Variants in RNF213 observed in about 807,000 individuals in gnomAD.
RNF213 encodes the protein E3 ubiquitin-protein ligase RNF213.
A neutral mutation model predicts 514.4 loss-of-function variants in RNF213; 341 were observed. That is an observed-to-expected ratio of 0.66 (90% CI 0.61 to 0.73). The LOEUF is 0.73. RNF213 is among the 30% of genes least tolerant of loss of function. The probability of loss-of-function intolerance (pLI) is 0.00; values close to 1 mark genes in which losing one functional copy is unlikely to be tolerated. For synonymous variants in RNF213, 2,655 were observed against 2,658.2 expected, an observed-to-expected ratio of 1.00 and a Z score of 0.04; for missense variants, 5,767 against 6,615.6, an observed-to-expected ratio of 0.87 and a Z score of 4.45.
chr17:80,350,246 T>C, intron 30 of RNF213, 55 bp from the exon 31 acceptor site: 1 of 1,123,408 alleles, frequency 8.9e-7, no homozygotes, highest in Non-Finnish European at 1.4e-6. Flanking sequence ...GGGAATTTTC[T>C]TTTCCATTTT....
At chr17:80,348,779 G>T (rs1347110955) in intron 29 of RNF213, among the ~76,000 whole-genome samples, 1 of 152,220 alleles carries the variant, frequency 6.6e-6, no homozygotes, top group Non-Finnish European at 1.5e-5. Context: ...AGGGATTGTA[G>T]GCTGAGGGCC....
intron 48 of RNF213, 97 bp from the exon 49 acceptor site, chr17:80,372,878 C>A: frequency 7.1e-7 from 1 of 1,403,414 alleles, no homozygotes; most frequent in Non-Finnish European, 9.9e-7. Flanking sequence ...TCTGTGAATG[C>A]CTGTGGGTAG....
chr17:80,353,472 C>T lies in RNF213; in HGVS notation c.10424-40C>T, dbSNP rs555239840. 1.3e-6 allele frequency: 2 copies of T among 1,577,690 alleles called. No homozygotes were observed. Among genetic ancestry groups the T allele is most frequent in the East Asian group, 2.3e-5 (1 of 43,040 alleles). ...GCACCGCTGCCAGTCCCTGTGCCACCTTCTGAGTGGTAACGCAATCACGTT... is the reference window on the plus strand; with the variant it reads ...GCACCGCTGCCAGTCCCTGTGCCACTTTCTGAGTGGTAACGCAATCACGTT... On this transcript the variant is annotated intron_variant, in intron 33 of 67. Transcript: ENST00000582970. The surrounding 1 kb of genome is among the most constrained non-coding windows in gnomAD (Gnocchi z 5.0).
Position 80,340,106 on chromosome 17 carries a change from C to T in RNF213, c.5739C>T (p.His1913=), listed in dbSNP as rs1393711562. The T allele has an allele frequency of 1.9e-6, 3 of 1,611,838 alleles. No homozygotes were observed. Among genetic ancestry groups the T allele is most frequent in the African/African-American group, 1.3e-5 (1 of 74,906 alleles). The part of the protein sequence containing the change: ...EVARQAEELF[H]NLCTQQHRED... Reference sequence around the variant, plus strand: ...CACGCCAAGCGGAGGAGCTTTTCCACAATCTGTGCACGCAGCAGCACCGAG... The same window carrying T: ...CACGCCAAGCGGAGGAGCTTTTCCATAATCTGTGCACGCAGCAGCACCGAG... The change falls in exon 26 of 68, where the codon CAC becomes CAT. Residue 1913 remains histidine, a synonymous_variant. Coordinates refer to ENST00000582970, the MANE Select transcript of RNF213 (RefSeq NM_001256071.3).
chr17:80,286,258 T>TG (rs2044468173), intron 3 of RNF213, among the ~76,000 whole-genome samples: 1 of 123,834 alleles, frequency 8.1e-6, no homozygotes, highest in African/African-American at 3.1e-5. Context: ...AGCTGTGGCC[T>TG]GGGGAGATGT....
At chr17:80,279,136 A>T (rs575674246) in intron 3 of RNF213, among the ~76,000 whole-genome samples, 1 of 152,222 alleles carries the variant, frequency 6.6e-6, no homozygotes, top group South Asian at 2.1e-4. Context: ...TTTCAGCTTT[A>T]TTGTGCTTGC....
At chr17:80,380,607 G>A (rs2079953539) in intron 55 of RNF213, among the ~76,000 whole-genome samples, 1 of 152,198 alleles carries the variant, frequency 6.6e-6, no homozygotes, top group African/African-American at 2.4e-5. Flanking sequence ...ATACCACACA[G>A]CGCAGCCACC....
At chr17:80,356,541 G>A (rs931115771) in intron 36 of RNF213, among the ~76,000 whole-genome samples, 9 of 152,250 alleles carry the variant, frequency 5.9e-5, no homozygotes, top group African/African-American at 2.2e-4. Context: ...CTGTGTTCTG[G>A]GGACTGGAGT....
intron 39 of RNF213, 114 bp from the exon 40 acceptor site, chr17:80,362,988 A>T: frequency 9.9e-7 from 1 of 1,011,852 alleles, no homozygotes; most frequent in Non-Finnish European, 1.5e-6. Context: ...AGAATAGCAC[A>T]CATGGTTTCT....
chr17:80,372,676 G>C lies in RNF213; in HGVS notation c.12693G>C (p.Arg4231=). The part of the protein sequence containing the change: ...ASVEYLQEVA[R]IRLCLDRAAD... ...TTGAATACCTGCAAGAGGTGGCCCG[G>C]ATCCGCCTCTGCCTCGACAGAGCTG... is the stretch of plus-strand genomic sequence containing the variant. The change falls in exon 48 of 68, where the codon CGG becomes CGC. Residue 4231 remains arginine, a synonymous_variant. Transcript: ENST00000582970. The C allele has an allele frequency of 6.2e-7, 1 of 1,614,008 alleles. No individual in the cohort carries two copies. The highest frequency in any genetic ancestry group is 8.5e-7 in the Non-Finnish European group (1 of 1,180,018).
chr17:80,262,738 G>A (rs1174195115), intron 1 of RNF213, among the ~76,000 whole-genome samples: 2 of 152,178 alleles, frequency 1.3e-5, no homozygotes, highest in Non-Finnish European at 1.5e-5. Flanking sequence ...TCCCACACAG[G>A]TCAAGCCAGG....
intron 43 of RNF213, 29 bp downstream of exon 43, chr17:80,367,877 G>A (rs1473553983): frequency 1.2e-6 from 2 of 1,613,294 alleles, no homozygotes; most frequent in Non-Finnish European, 1.7e-6. Flanking sequence ...ATCTGTGAAG[G>A]CGAGAATTCT....
chr17:80,305,941 T>G (rs1203939684), intron 11 of RNF213, among the ~76,000 whole-genome samples: 1 of 152,122 alleles, frequency 6.6e-6, no homozygotes, highest in Non-Finnish European at 1.5e-5. Flanking sequence ...CTCAGTAGGT[T>G]GTTCTGTACT....
Position 80,363,139 on chromosome 17 carries a change from T to C in RNF213, c.11393T>C (p.Leu3798Pro), listed in dbSNP as rs1204036749. 5 of 1,614,244 alleles carry C rather than the reference T, an allele frequency of 3.1e-6. No individual in the cohort carries two copies. The highest frequency in any genetic ancestry group is 4.2e-6 in the Non-Finnish European group (5 of 1,180,046). The change falls in exon 40 of 68, where the codon CTG (leucine) becomes CCG (proline). Residue 3798 changes from leucine to proline, a missense_variant. Leu to Pro is a moderately conservative substitution (Grantham distance 98). Coordinates refer to ENST00000582970, the MANE Select transcript of RNF213 (RefSeq NM_001256071.3). ...GCTCTGTGGTCCTGCACTAGGAAAC[T>C]GAAAGCGGCGTCAGAAGCGCCCGAG... ...QMALWSCTRK[L>P]KAASEAPEEE...
At chr17:80,349,961 G>C in intron 30 of RNF213, 55 bp downstream of exon 30, 1 of 1,607,634 alleles carries the variant, frequency 6.2e-7, no homozygotes, top group Non-Finnish European at 8.5e-7. Flanking sequence ...CAGCCGTGTG[G>C]CTTCTGCGTG....
rs1336623682 is a variant in RNF213 at position 80,393,451 on chromosome 17, G to T, written c.15577G>T (p.Val5193Leu). ...GATACTGCTCGCCAGCTGTGTCTCA[G>T]TGTGGAAAACAGCTGCTGTGCTGAA... The part of the protein sequence containing the change: ...EEILLASCVS[V>L]WKTAAVLKWN... Residue 5193 changes from valine to leucine, a missense_variant, in exon 68 of 68, where the codon GTG (valine) becomes TTG (leucine). This residue lies in a region of RNF213 where 1,245 missense variants were observed against 1,339.0 expected (regional missense o/e 0.93). Coordinates refer to ENST00000582970, the MANE Select transcript of RNF213 (RefSeq NM_001256071.3). The T allele has an allele frequency of 6.2e-7, 1 of 1,614,208 alleles. No homozygotes were observed. The highest frequency in any genetic ancestry group is 1.1e-5 in the South Asian group (1 of 91,088).
chr17:80,381,197 C>T, intron 56 of RNF213: 1 of 634,932 alleles, frequency 1.6e-6, no homozygotes, highest in Non-Finnish European at 2.8e-6. Context: ...ATACAGAATC[C>T]ACTTCAAATT....
rs1464262158 is a variant in RNF213, at chr17:80,348,112, G to A, written c.9777G>A (p.Leu3259=). 6.2e-7 allele frequency: 1 copy of A among 1,614,136 alleles called. No homozygotes were observed. Among genetic ancestry groups the A allele is most frequent in the Admixed American group, 1.7e-5 (1 of 60,036 alleles). The change falls in exon 29 of 68, where the codon CTG becomes CTA. Residue 3259 remains leucine, a synonymous_variant. Transcript: ENST00000582970. ...KVSEEAKSIL[L]NCATPDAVVR... is the part of the protein sequence containing the mutation. The stretch of plus-strand genomic sequence containing the variant: ...CTGAGGAGGCCAAATCGATCCTGCT[G>A]AACTGCGCTACGCCCGATGCCGTGG...
intron 20 of RNF213, among the ~76,000 whole-genome samples, chr17:80,330,160 C>A (rs2046374743): frequency 6.6e-6 from 1 of 152,156 alleles, no homozygotes; most frequent in Admixed American, 6.5e-5. Flanking sequence ...TTTTTAAATT[C>A]TGTCCTGTTC....
Sources: gnomAD v4.1 joint callset for allele counts (sites outside exome capture counted in the v4.1 genomes callset) on GRCh38, gnomAD v4.1.1 for gene constraint, gnomAD v4.1.1 regional missense constraint, Gnocchi (gnomAD v3.1) non-coding constraint, MANE v1.5 for transcripts, NCBI Gene and HGNC (gene_info 2026-07-23, HGNC 2026-07-21) for gene names.